PSMG2: variants seen among roughly 807,000 people sequenced by gnomAD.
PSMG2 encodes CD40 ligand-activated specific transcript 3.
PSMG2 carries 21 observed loss-of-function variants against 31.5 expected under a neutral mutation model. That is an observed-to-expected ratio of 0.67 (90% CI 0.47 to 0.96). The LOEUF (loss-of-function observed/expected upper bound fraction) is 0.96, where lower values mean the gene tolerates loss of function less well. Ranked by LOEUF, PSMG2 falls within the 40% of genes least tolerant of loss-of-function variation. The probability of loss-of-function intolerance (pLI) is 0.00; values close to 1 mark genes in which losing one functional copy is unlikely to be tolerated. For missense variants in PSMG2, 318 were observed against 321.2 expected (o/e 0.99, Z 0.08); for synonymous variants, 120 against 110.4 (o/e 1.09, Z -0.54).
upstream of PSMG2, chr18:12,700,925 T>A (rs762372098): frequency 2.3e-5 from 35 of 1,523,476 alleles, no homozygotes; most frequent in South Asian, 3.9e-4. Flanking sequence ...TATACATATA[T>A]ACTCTCATTT....
At chr18:12,703,197 TC>T (rs1469436511) in intron 1 of PSMG2, 33 bp downstream of exon 1, 2 of 1,583,566 alleles carry the variant, frequency 1.3e-6, no homozygotes, top group Non-Finnish European at 1.7e-6. Flanking sequence ...GGCTGCCGCC[TC>T]CCGAGGCCCC....
intron 4 of PSMG2, 84 bp downstream of exon 4, chr18:12,718,719 C>T (rs2040401615): frequency 3.1e-6 from 3 of 973,136 alleles, no homozygotes; most frequent in Non-Finnish European, 4.5e-6. Context: ...CTTTAAAAGC[C>T]ACGTAGATCC....
intron 1 of PSMG2, among the ~76,000 whole-genome samples, chr18:12,705,065 AC>A (rs1598677682): frequency 6.6e-6 from 1 of 151,276 alleles, no homozygotes; most frequent in East Asian, 1.9e-4. Flanking sequence ...ATAATATTGA[AC>A]TTTTTTTTTT....
intron 1 of PSMG2, chr18:12,695,384 T>C: frequency 9.6e-7 from 1 of 1,044,172 alleles, no homozygotes; most frequent in Non-Finnish European, 1.4e-6. Context: ...CTTCAGAGAT[T>C]TCAATACTAT....
chr18:12,663,052 A>G (rs1000113143), intron 1 of PSMG2, among the ~76,000 whole-genome samples: 8 of 152,324 alleles, frequency 5.3e-5, no homozygotes, highest in Admixed American at 4.6e-4. Flanking sequence ...ATTTTAGGCC[A>G]AGCCACTATT....
At chr18:12,709,239 G>T (rs1190329712) in intron 2 of PSMG2, among the ~76,000 whole-genome samples, 2 of 151,188 alleles carry the variant, frequency 1.3e-5, no homozygotes, top group Non-Finnish European at 2.9e-5. Context: ...TAGAGACGGG[G>T]TTGCACCATG....
chr18:12,710,430 C>T (rs993598517), intron 2 of PSMG2, among the ~76,000 whole-genome samples: 3 of 152,178 alleles, frequency 2.0e-5, no homozygotes, highest in Non-Finnish European at 2.9e-5. Flanking sequence ...TATTTTGGTG[C>T]AAAATGTTTT....
At chr18:12,669,616 C>T (rs749066721) in intron 1 of PSMG2, among the ~76,000 whole-genome samples, 14 of 152,024 alleles carry the variant, frequency 9.2e-5, no homozygotes, top group Non-Finnish European at 1.6e-4. Flanking sequence ...AAGAACACCA[C>T]CTTGGAGACA....
chr18:12,682,688 G>C (rs964860997), intron 1 of PSMG2, among the ~76,000 whole-genome samples: 1 of 151,984 alleles, frequency 6.6e-6, no homozygotes, highest in African/African-American at 2.4e-5. Context: ...GAATGCAGTG[G>C]CATGACCTCG....
At chr18:12,710,883 T>G (rs2040323162) in intron 2 of PSMG2, among the ~76,000 whole-genome samples, 1 of 152,126 alleles carries the variant, frequency 6.6e-6, no homozygotes, top group South Asian at 2.1e-4. Flanking sequence ...GTGGATTGCC[T>G]GAGCTCAGGA....
At chr18:12,669,623 G>A (rs1296286263) in intron 1 of PSMG2, among the ~76,000 whole-genome samples, 17 of 152,258 alleles carry the variant, frequency 1.1e-4, no homozygotes, top group African/African-American at 3.8e-4. Context: ...CCACCTTGGA[G>A]ACATTATGTT....
intron 1 of PSMG2, chr18:12,697,095 T>C (rs972382957): frequency 3.1e-6 from 2 of 642,670 alleles, no homozygotes; most frequent in African/African-American, 3.7e-5. Context: ...GGTCCAATTG[T>C]AACTCTAACG....
At chr18:12,698,493 AT>A (rs1462305874), upstream of PSMG2, among the ~76,000 whole-genome samples, 2 of 152,122 alleles carry the variant, frequency 1.3e-5, no homozygotes, top group Non-Finnish European at 2.9e-5. Context: ...TGTAGAGACA[AT>A]GTCTCACTTT....
chr18:12,725,593 T>C lies in PSMG2; in HGVS notation c.*62T>C, dbSNP rs569176002. ...TACTACCAACACAGCTGTTAAACAT[T>C]CTATACAAAAAAATTGTATGATCTG... On this transcript the variant is annotated 3_prime_UTR_variant, in exon 7 of 7. Transcript: ENST00000317615. 1.3e-5 allele frequency: 16 copies of C among 1,277,842 alleles called. No individual in the cohort carries two copies. The African/African-American group carries it at 2.3e-4, about 18-fold the overall frequency. The allele number at this position is 1,277,842 out of a possible 1,614,324, so 79.2% of individuals were successfully genotyped here. A position where few individuals can be genotyped will look rare whatever the true frequency, so the allele number is the denominator to read the frequency against.
upstream of PSMG2, chr18:12,702,660 C>T (rs765044741): frequency 1.4e-5 from 18 of 1,271,066 alleles, no homozygotes; most frequent in Middle Eastern, 2.5e-4. Context: ...GCGCCGCAGC[C>T]GTTCGCCTAG....
chr18:12,714,846 G>A (rs1340031614), intron 3 of PSMG2, among the ~76,000 whole-genome samples: 1 of 151,214 alleles, frequency 6.6e-6, no homozygotes, highest in East Asian at 1.9e-4. Context: ...GCTGGATTAC[G>A]AACGTGTGCC....
intron 1 of PSMG2, chr18:12,672,922 A>T: frequency 1.0e-6 from 1 of 984,354 alleles, no homozygotes; most frequent in Non-Finnish European, 1.2e-6. Flanking sequence ...GCAATAAATA[A>T]ATCTGTCATG....
intron 1 of PSMG2, chr18:12,691,487 G>T: frequency 6.3e-7 from 1 of 1,576,918 alleles, no homozygotes; most frequent in Non-Finnish European, 8.6e-7. Flanking sequence ...TCCAAAGCAA[G>T]CTTGAAATTG....
At chr18:12,712,565 T>C (rs2040341496) in intron 2 of PSMG2, 137 bp from the exon 3 acceptor site, 1 of 608,678 alleles carries the variant, frequency 1.6e-6, no homozygotes. Flanking sequence ...TAACCAGATG[T>C]CATATATGTT....
Sources: allele counts gnomAD v4.1 joint callset (sites outside exome capture counted in the v4.1 genomes callset), GRCh38; gene constraint gnomAD v4.1.1; transcripts MANE v1.5; gene names NCBI Gene and HGNC (gene_info 2026-07-23, HGNC 2026-07-21).